The following ZMYM2 variants were observed in gnomAD, a reference collection of about 807,000 sequenced individuals.
ZMYM2 encodes zinc finger MYM-type containing 2.
In ZMYM2, 56 loss-of-function variants were observed where a neutral mutation model predicts 162.8. The observed-to-expected ratio is 0.34, with a 90% CI of 0.28 to 0.43. ZMYM2 has a LOEUF of 0.43. Among genes scored for constraint, ZMYM2 ranks in the 20% least tolerant of loss-of-function variants. ZMYM2 has a pLI of 1.00. For synonymous variants in ZMYM2, 510 were observed against 541.6 expected (o/e 0.94, Z 0.81); for missense variants, 1,275 against 1,621.8 (o/e 0.79, Z 3.67).
intron 3 of ZMYM2, among the ~76,000 whole-genome samples, chr13:19,998,946 G>A (rs1950203364): frequency 6.6e-6 from 1 of 152,186 alleles, no homozygotes; most frequent in African/African-American, 2.4e-5. Context: ...AGAGACCAGA[G>A]TAGTAGAAAT....
At chr13:19,935,671 A>G in the ZMYM2 span, among the ~76,000 whole-genome samples, 2 of 151,784 alleles carry the variant, frequency 1.3e-5, no homozygotes, top group South Asian at 4.1e-4. Flanking sequence ...CTTTTGAGAC[A>G]GGATTCCACT....
At chr13:19,954,126 A>ATTTTTATTTTTTTTTTTTTTTTT (rs1954471735), upstream of ZMYM2, among the ~76,000 whole-genome samples, 1 of 64,880 alleles carries the variant, frequency 1.5e-5, no homozygotes, top group Non-Finnish European at 3.0e-5. Flanking sequence ...GCTATGTTTA[A>ATTTTTATTTTTTTTTTTTTTTTT]TTTTTTTTTT....
intron 2 of ZMYM2, among the ~76,000 whole-genome samples, chr13:19,961,537 C>A (rs1244919329): frequency 6.6e-6 from 1 of 152,154 alleles, no homozygotes; most frequent in Admixed American, 6.5e-5. Context: ...CTTATCGCCA[C>A]ATATTTTCAC....
At chr13:20,075,120 G>A (rs1265278945) in intron 21 of ZMYM2, among the ~76,000 whole-genome samples, 1 of 152,172 alleles carries the variant, frequency 6.6e-6, no homozygotes, top group Non-Finnish European at 1.5e-5. Flanking sequence ...AATCAGTGCT[G>A]TTTAATATTA....
chr13:19,958,509 G>A (rs919775187), upstream of ZMYM2, among the ~76,000 whole-genome samples: 3 of 152,032 alleles, frequency 2.0e-5, no homozygotes, highest in Admixed American at 6.5e-5. Flanking sequence ...AGGAGTCGAG[G>A]GCCGGCGGAG....
the ZMYM2 span, among the ~76,000 whole-genome samples, chr13:19,907,093 T>C: frequency 6.6e-6 from 1 of 152,164 alleles, no homozygotes; most frequent in South Asian, 2.1e-4. Context: ...TACCCACTTA[T>C]TCATTTTAAG....
chr13:20,059,608 A>G (rs200506807), intron 16 of ZMYM2, 46 bp downstream of exon 16: 1 of 885,250 alleles, frequency 1.1e-6, no homozygotes, highest in Non-Finnish European at 1.9e-6. Flanking sequence ...TTTAGCAGAC[A>G]CAGTTGGGAA....
chr13:19,994,014 T>G (rs1949828046), intron 3 of ZMYM2, 95 bp downstream of exon 3: 1 of 1,359,488 alleles, frequency 7.4e-7, no homozygotes, highest in Non-Finnish European at 9.9e-7. Flanking sequence ...CTTGTTTAGT[T>G]TCATCATGTG....
At chr13:19,876,617 C>G in the ZMYM2 span, among the ~76,000 whole-genome samples, 3 of 152,140 alleles carry the variant, frequency 2.0e-5, no homozygotes, top group Admixed American at 2.0e-4. Context: ...GCCACCTCGC[C>G]TGGCCTAAAA....
intron 2 of ZMYM2, among the ~76,000 whole-genome samples, chr13:19,984,672 T>TAAA (rs759131253): frequency 2.0e-5 from 3 of 152,216 alleles, no homozygotes; most frequent in Non-Finnish European, 4.4e-5. Flanking sequence ...TGTCTTTCTT[T>TAAA]AAAGGACTAA....
At chr13:19,960,324 T>A (rs1167050453) in intron 2 of ZMYM2, among the ~76,000 whole-genome samples, 4 of 152,248 alleles carry the variant, frequency 2.6e-5, no homozygotes, top group African/African-American at 9.6e-5. Flanking sequence ...GGAGGGCATA[T>A]TTCTGGTGCC....
At chr13:19,903,356 T>C in the ZMYM2 span, among the ~76,000 whole-genome samples, 3 of 150,458 alleles carry the variant, frequency 2.0e-5, no homozygotes, top group Admixed American at 2.0e-4. Flanking sequence ...ATAAAAAAAT[T>C]TGGCTGGGCG....
At chr13:19,985,999 C>A (rs2139595339) in intron 2 of ZMYM2, among the ~76,000 whole-genome samples, 2 of 152,064 alleles carry the variant, frequency 1.3e-5, no homozygotes, top group East Asian at 1.9e-4. Flanking sequence ...CAGGTCAGGG[C>A]AACATGGCAA....
intron 2 of ZMYM2, among the ~76,000 whole-genome samples, chr13:19,973,358 T>C (rs1956492736): frequency 1.3e-5 from 2 of 152,132 alleles, no homozygotes; most frequent in South Asian, 2.1e-4. Context: ...AAGACTTTAA[T>C]GAAGGAAACT....
At chr13:19,972,648 C>T (rs747587042) in intron 2 of ZMYM2, among the ~76,000 whole-genome samples, 2 of 151,922 alleles carry the variant, frequency 1.3e-5, no homozygotes, top group African/African-American at 2.4e-5. Flanking sequence ...AATATACTTG[C>T]ATTTTCTTCA....
intron 10 of ZMYM2, among the ~76,000 whole-genome samples, chr13:20,031,790 T>C (rs1184771755): frequency 6.6e-6 from 1 of 152,012 alleles, no homozygotes; most frequent in African/African-American, 2.4e-5. Context: ...TTTCTATCAC[T>C]CAGTACCTGT....
the ZMYM2 span, among the ~76,000 whole-genome samples, chr13:19,953,308 T>C: frequency 6.6e-6 from 1 of 152,216 alleles, no homozygotes; most frequent in Non-Finnish European, 1.5e-5. Flanking sequence ...TACTCTTTCA[T>C]AAAGTGTAAA....
At chr13:20,082,291 C>A (rs1198567618) in intron 22 of ZMYM2, among the ~76,000 whole-genome samples, 161 bp downstream of exon 22, 2 of 152,134 alleles carry the variant, frequency 1.3e-5, no homozygotes, top group East Asian at 1.9e-4. Context: ...GAATTAGAAA[C>A]AAATGTGGTC....
intron 13 of ZMYM2, among the ~76,000 whole-genome samples, chr13:20,051,960 G>A (rs1955394448): frequency 6.6e-6 from 1 of 151,890 alleles, no homozygotes; most frequent in Non-Finnish European, 1.5e-5. Flanking sequence ...AGGTTGGGAG[G>A]AAGAACAAAA....
Sources: allele counts gnomAD v4.1 joint callset (sites outside exome capture counted in the v4.1 genomes callset), GRCh38; gene constraint gnomAD v4.1.1; transcripts MANE v1.5; gene names NCBI Gene and HGNC (gene_info 2026-07-23, HGNC 2026-07-21).